Variants in PRR5L observed in about 807,000 individuals in gnomAD.
PRR5L encodes proline rich 5 like.
PRR5L carries 21 observed loss-of-function variants against 36.4 expected under a neutral mutation model. That is an observed-to-expected ratio of 0.58 (90% CI 0.41 to 0.83). The LOEUF (loss-of-function observed/expected upper bound fraction) is 0.83. Ranked by LOEUF, PRR5L falls within the 40% of genes least tolerant of loss-of-function variation. The pLI, the probability that PRR5L is intolerant of heterozygous loss-of-function variation, is 0.00. For synonymous variants in PRR5L, 188 were observed against 197.0 expected, an observed-to-expected ratio of 0.95 and a Z score of 0.38; for missense variants, 381 against 473.3, an observed-to-expected ratio of 0.80 and a Z score of 1.81.
chr11:36,358,038 C>A (rs1857047022), intron 1 of PRR5L, among the ~76,000 whole-genome samples: 1 of 152,186 alleles, frequency 6.6e-6, no homozygotes. Context: ...TCAGCATTAA[C>A]AGGTGTTTAG....
chr11:36,419,126 C>G (rs574746646), intron 3 of PRR5L, 129 bp from the exon 4 acceptor site: 2 of 780,794 alleles, frequency 2.6e-6, no homozygotes, highest in East Asian at 2.4e-5. Context: ...GAAGGGGGAC[C>G]AGGACCTAAG....
chr11:36,388,149 G>A (rs983830724), intron 1 of PRR5L: 3 of 152,178 alleles, frequency 2.0e-5, no homozygotes, highest in Non-Finnish European at 4.4e-5. Context: ...AAAGAAATTG[G>A]TTCTTCCTTT....
chr11:36,302,500 G>T (rs77608528), intron 1 of PRR5L, among the ~76,000 whole-genome samples: 1,875 of 152,240 alleles, frequency 0.012, 27 homozygotes, highest in South Asian at 0.037. Flanking sequence ...AAAGATGCTG[G>T]CTCAGCTGGG....
chr11:36,421,067 C>T (rs1335916170), intron 4 of PRR5L, among the ~76,000 whole-genome samples: 3 of 152,296 alleles, frequency 2.0e-5, no homozygotes, highest in South Asian at 4.2e-4. Context: ...CAGTCTTGGC[C>T]TCACTCTCTT....
intron 6 of PRR5L, among the ~76,000 whole-genome samples, chr11:36,444,449 T>C (rs1858786274): frequency 6.6e-6 from 1 of 152,252 alleles, no homozygotes; most frequent in Non-Finnish European, 1.5e-5. Flanking sequence ...TTAAGCCCTT[T>C]TTCTGATCTG....
chr11:36,450,319 C>T (rs139763228), intron 7 of PRR5L, among the ~76,000 whole-genome samples: 152 of 152,356 alleles, frequency 1.0e-3, no homozygotes, highest in African/African-American at 3.2e-3. Flanking sequence ...GGGCTGGGCA[C>T]AGCCCCATGG....
intron 3 of PRR5L, among the ~76,000 whole-genome samples, chr11:36,417,196 T>C (rs1255153111): frequency 1.3e-5 from 2 of 152,184 alleles, no homozygotes; most frequent in Non-Finnish European, 2.9e-5. Context: ...AGCTCTCTCC[T>C]AAGTAGCCTA....
chr11:36,320,188 T>A (rs1169209259), intron 1 of PRR5L, among the ~76,000 whole-genome samples: 3 of 151,868 alleles, frequency 2.0e-5, no homozygotes, highest in Admixed American at 2.0e-4. Context: ...ATAAGAAATG[T>A]CTCTGGGTCT....
chr11:36,403,463 G>GT (rs34764114), intron 3 of PRR5L, 85 bp downstream of exon 3: 72,625 of 635,886 alleles, frequency 0.11, 70 homozygotes, highest in East Asian at 0.17. Context: ...AGCCTTAAGG[G>GT]TTTTTTTTTT....
chr11:36,433,605 A>C (rs1171348405), intron 5 of PRR5L, among the ~76,000 whole-genome samples: 1 of 152,166 alleles, frequency 6.6e-6, no homozygotes, highest in African/African-American at 2.4e-5. Context: ...GCTGGAGTAC[A>C]GTGGCATGAT....
intron 1 of PRR5L, among the ~76,000 whole-genome samples, chr11:36,342,656 G>A (rs1046923778): frequency 1.3e-5 from 2 of 152,176 alleles, no homozygotes; most frequent in African/African-American, 2.4e-5. Flanking sequence ...GATCCCTTGA[G>A]GTTCAGCGAG....
At chr11:36,388,885 G>A (rs1648130600) in intron 1 of PRR5L, among the ~76,000 whole-genome samples, 1 of 152,022 alleles carries the variant, frequency 6.6e-6, no homozygotes, top group Non-Finnish European at 1.5e-5. Flanking sequence ...ATTTTTAGTA[G>A]AGACGGGGTT....
At chr11:36,311,637 G>C (rs1856504106) in intron 1 of PRR5L, among the ~76,000 whole-genome samples, 1 of 152,128 alleles carries the variant, frequency 6.6e-6, no homozygotes. Flanking sequence ...GGAGAAATGG[G>C]GTCTTTGGAA....
Position 36,344,636 on chromosome 11 carries a change from A to G in PRR5L, c.-126+48198A>G, listed in dbSNP as rs1856847366. On this transcript the variant is annotated intron_variant, in intron 1 of 8. Transcript: ENST00000530639. This position sits in a 1 kb window ranked among gnomAD's most constrained non-coding sequence, Gnocchi z 4.1. Reference sequence around the variant, plus strand: ...GGGTATTACTGGGTCAAAGGGCAAGAACAGTTTAATGGACATTATGAGGCA... The same window carrying G: ...GGGTATTACTGGGTCAAAGGGCAAGGACAGTTTAATGGACATTATGAGGCA... 6.6e-6 allele frequency among the ~76,000 whole-genome samples: 1 copy of G among 152,246 alleles called. No individual in the cohort carries two copies. The highest frequency in any genetic ancestry group is 6.5e-5 in the Admixed American group (1 of 15,282).
chr11:36,351,707 T>TTATA lies in PRR5L; in HGVS notation c.-125-49287_-125-49286insATAT, dbSNP rs1565409483. Among the ~76,000 whole-genome samples the TTATA allele has an allele frequency of 1.3e-4, 10 of 75,630 alleles. 1 individual carries two copies. Among genetic ancestry groups the TTATA allele is most frequent in the African/African-American group, 2.7e-4 (5 of 18,650 alleles). 49.6% of individuals were successfully genotyped at this position (75,630 alleles called of 152,430 possible). On this transcript the variant is annotated intron_variant, in intron 1 of 8. Coordinates refer to ENST00000530639, the MANE Select transcript of PRR5L (RefSeq NM_001160167.2). ...TTTATATATTTATATATTTATATAT[T>TTATA]TATTTATATATTTATATATTTTTTA...
intron 3 of PRR5L, among the ~76,000 whole-genome samples, chr11:36,404,478 G>A (rs1156365415): frequency 6.6e-6 from 1 of 152,004 alleles, no homozygotes; most frequent in Admixed American, 6.6e-5. Context: ...ATCTTGGTCA[G>A]GCTGGTCTTG....
chr11:36,410,699 G>A (rs909860428), intron 3 of PRR5L, among the ~76,000 whole-genome samples: 4 of 152,174 alleles, frequency 2.6e-5, no homozygotes, highest in Non-Finnish European at 2.9e-5. Flanking sequence ...AAGGGTGTGA[G>A]TACTCCATGT....
intron 1 of PRR5L, among the ~76,000 whole-genome samples, chr11:36,330,852 G>A (rs1856711347): frequency 6.6e-6 from 1 of 151,622 alleles, no homozygotes; most frequent in Non-Finnish European, 1.5e-5. Flanking sequence ...TGTTGTGTAG[G>A]CCGGTGTTAG....
At chr11:36,338,858 T>C (rs985626372) in intron 1 of PRR5L, among the ~76,000 whole-genome samples, 1 of 152,152 alleles carries the variant, frequency 6.6e-6, no homozygotes, top group Middle Eastern at 3.2e-3. Flanking sequence ...ACTTGAATTG[T>C]ATCTCCCAGA....
Sources: gnomAD v4.1 joint callset for allele counts (sites outside exome capture counted in the v4.1 genomes callset) on GRCh38, gnomAD v4.1.1 for gene constraint, Gnocchi (gnomAD v3.1) non-coding constraint, MANE v1.5 for transcripts, NCBI Gene and HGNC (gene_info 2026-07-23, HGNC 2026-07-21) for gene names.